The following KCNH7 variants were observed in gnomAD, a reference collection of about 807,000 sequenced individuals.
The protein encoded by KCNH7 is potassium voltage-gated channel subfamily H member 7.
KCNH7 carries 49 observed loss-of-function variants against 120.8 expected under a neutral mutation model. That is an observed-to-expected ratio of 0.41 (90% confidence interval 0.32 to 0.51). KCNH7 has a LOEUF of 0.51. KCNH7 is among the 20% of genes least tolerant of loss of function. KCNH7 has a pLI of 0.38. For synonymous variants in KCNH7, 547 were observed against 516.1 expected (o/e 1.06, Z -0.81); for missense variants, 1,097 against 1,446.6 (o/e 0.76, Z 3.92).
At chr2:162,385,023 T>TA in intron 12 of KCNH7, 84 bp from the exon 13 acceptor site, 1 of 1,071,822 alleles carries the variant, frequency 9.3e-7, no homozygotes, top group Non-Finnish European at 1.3e-6. Context: ...TACCTAGCTA[T>TA]ATATATAAAC....
At chr2:162,607,494 C>T in intron 2 of KCNH7, among the ~76,000 whole-genome samples, 1 of 151,684 alleles carries the variant, frequency 6.6e-6, no homozygotes, top group East Asian at 1.9e-4. Flanking sequence ...CTTTATTTGC[C>T]AATGGACATT....
chr2:162,436,640 CAATT>C (rs1161473553), intron 7 of KCNH7, among the ~76,000 whole-genome samples: 1 of 152,056 alleles, frequency 6.6e-6, no homozygotes, highest in Non-Finnish European at 1.5e-5. Context: ...GTTTACCAAT[CAATT>C]ATTGAGTTAT....
intron 3 of KCNH7, among the ~76,000 whole-genome samples, chr2:162,532,771 C>G (rs188205928): frequency 6.6e-6 from 1 of 151,948 alleles, no homozygotes; most frequent in East Asian, 2.0e-4. Flanking sequence ...TACACATTAT[C>G]TACTTGACAA....
intron 6 of KCNH7, among the ~76,000 whole-genome samples, chr2:162,489,807 C>G (rs1376887620): frequency 6.6e-6 from 1 of 152,102 alleles, no homozygotes; most frequent in African/African-American, 2.4e-5. Flanking sequence ...TTCTGTTTTG[C>G]TGAACCAAGC....
chr2:162,520,094 G>A (rs573467379), intron 3 of KCNH7, among the ~76,000 whole-genome samples: 41 of 145,126 alleles, frequency 2.8e-4, no homozygotes, highest in African/African-American at 8.4e-4. Context: ...ATCTCCACTT[G>A]AAAGACACCT....
At chr2:162,550,927 T>A (rs1384791141) in intron 2 of KCNH7, among the ~76,000 whole-genome samples, 1 of 151,424 alleles carries the variant, frequency 6.6e-6, no homozygotes, top group Non-Finnish European at 1.5e-5. Flanking sequence ...AGGCACTACA[T>A]TTTTCTCTAT....
intron 2 of KCNH7, among the ~76,000 whole-genome samples, chr2:162,559,987 C>T (rs973974552): frequency 1.4e-4 from 22 of 152,098 alleles, no homozygotes; most frequent in African/African-American, 3.9e-4. Flanking sequence ...AGTGGGCATT[C>T]GTATTAGTTT....
At chr2:162,441,994 GTCTTCTTTTTTTTTT>G in intron 7 of KCNH7, among the ~76,000 whole-genome samples, 1 of 46,550 alleles carries the variant, frequency 2.1e-5, no homozygotes, top group South Asian at 1.1e-3. Context: ...AAATAGTTAG[GTCTTCTTTTTTTTTT>G]TTTTTTTTTT....
chr2:162,385,020 C>CTA, intron 12 of KCNH7, 81 bp from the exon 13 acceptor site: 1 of 1,094,362 alleles, frequency 9.1e-7, no homozygotes, highest in Non-Finnish European at 1.3e-6. Context: ...CACTACCTAG[C>CTA]TATATATATA....
chr2:162,692,140 G>A (rs75876221), intron 2 of KCNH7, among the ~76,000 whole-genome samples: 3 of 136,086 alleles, frequency 2.2e-5, no homozygotes, highest in Non-Finnish European at 4.8e-5. Context: ...TTTTTTTTTG[G>A]AGCTAGAGTC....
At chr2:162,817,821 G>A (rs1194249229) in intron 2 of KCNH7, among the ~76,000 whole-genome samples, 1 of 151,978 alleles carries the variant, frequency 6.6e-6, no homozygotes, top group Non-Finnish European at 1.5e-5. Flanking sequence ...TGCCCATTGT[G>A]TATCTTTCCT....
chr2:162,575,623 A>C (rs1372967579), intron 2 of KCNH7, among the ~76,000 whole-genome samples: 1 of 152,056 alleles, frequency 6.6e-6, no homozygotes, highest in Non-Finnish European at 1.5e-5. Flanking sequence ...TACCAGCACC[A>C]ACAGCTGCAC....
intron 2 of KCNH7, among the ~76,000 whole-genome samples, chr2:162,737,142 C>T (rs1183195055): frequency 6.6e-6 from 1 of 152,130 alleles, no homozygotes; most frequent in Non-Finnish European, 1.5e-5. Flanking sequence ...CCCATTTCCA[C>T]CTGCTTACAG....
Position 162,517,982 on chromosome 2 carries a change from C to T in KCNH7, c.640G>A (p.Asp214Asn). 6.2e-7 allele frequency: 1 copy of T among 1,612,450 alleles called. No homozygotes were observed. The highest frequency in any genetic ancestry group is 1.1e-5 in the South Asian group (1 of 91,056). ...TKESCSPSEA[D>N]DTKALIQPSK... The stretch of plus-strand genomic sequence containing the variant: ...GGCTGTATCAAAGCTTTTGTGTCAT[C>T]TGCTTCAGAGGGGCTGCAGCTTTCT... The change falls in exon 4 of 16, where the codon GAT becomes AAT. Residue 214 changes from aspartate (D) to asparagine (N), a missense_variant. Around this residue, in one of 8 missense-constraint regions of KCNH7, gnomAD observed 362 missense variants for 372.2 expected, o/e 0.97. Coordinates refer to ENST00000332142, the MANE Select transcript of KCNH7 (RefSeq NM_033272.4).
chr2:162,544,724 C>T (rs1692419127), intron 2 of KCNH7, among the ~76,000 whole-genome samples: 1 of 152,064 alleles, frequency 6.6e-6, no homozygotes, highest in African/African-American at 2.4e-5. Flanking sequence ...CACTGCACTC[C>T]TAACTTAGGC....
chr2:162,427,051 A>T (rs1385844599), intron 8 of KCNH7, among the ~76,000 whole-genome samples: 1 of 151,848 alleles, frequency 6.6e-6, no homozygotes, highest in Non-Finnish European at 1.5e-5. Context: ...TGTATCAGTA[A>T]TTTGTTTTTT....
At chr2:162,584,732 A>T (rs1559029701) in intron 2 of KCNH7, among the ~76,000 whole-genome samples, 1 of 152,016 alleles carries the variant, frequency 6.6e-6, no homozygotes, top group African/African-American at 2.4e-5. Context: ...CTGTTGCAAG[A>T]TTATGCTTTT....
intron 13 of KCNH7, among the ~76,000 whole-genome samples, chr2:162,382,333 A>G (rs1191494536): frequency 1.3e-5 from 2 of 152,114 alleles, no homozygotes; most frequent in East Asian, 3.9e-4. Flanking sequence ...TTGTTTAAAC[A>G]GCAGTATAAA....
chr2:162,609,584 A>G (rs1682892154), intron 2 of KCNH7, among the ~76,000 whole-genome samples: 1 of 152,140 alleles, frequency 6.6e-6, no homozygotes, highest in African/African-American at 2.4e-5. Flanking sequence ...CTGTGAAGGC[A>G]TTTTAGGTAT....
Sources: gnomAD v4.1 joint callset for allele counts (sites outside exome capture counted in the v4.1 genomes callset) on GRCh38, gnomAD v4.1.1 for gene constraint, gnomAD v4.1.1 regional missense constraint, MANE v1.5 for transcripts, NCBI Gene and HGNC (gene_info 2026-07-23, HGNC 2026-07-21) for gene names.